The following SPTLC1 variants were observed in gnomAD, a reference collection of about 807,000 sequenced individuals.
The protein encoded by SPTLC1 is serine palmitoyltransferase 1.
A neutral mutation model predicts 68.9 loss-of-function variants in SPTLC1; 55 were observed. The ratio of observed to expected loss-of-function variants is 0.80; its 90% CI spans 0.64 to 1.00. The LOEUF (loss-of-function observed/expected upper bound fraction) is 1.00. SPTLC1 is among the 50% of genes least tolerant of loss of function. The pLI is 0.00. For synonymous variants in SPTLC1, 197 were observed against 201.6 expected, an observed-to-expected ratio of 0.98 and a Z score of 0.19; for missense variants, 449 against 573.1, an observed-to-expected ratio of 0.78 and a Z score of 2.21.
chr9:92,047,487 A>G (rs1296695153), intron 10 of SPTLC1, 126 bp downstream of exon 10: 1 of 768,458 alleles, frequency 1.3e-6, no homozygotes, highest in African/African-American at 1.8e-5. Context: ...GATTCTTTAA[A>G]AATTGACATT....
At chr9:92,057,363 G>A (rs1833931211) in intron 7 of SPTLC1, among the ~76,000 whole-genome samples, 1 of 152,160 alleles carries the variant, frequency 6.6e-6, no homozygotes, top group African/African-American at 2.4e-5. Context: ...CACAGGAATG[G>A]GTCAAAGGGC....
intron 14 of SPTLC1, among the ~76,000 whole-genome samples, chr9:92,033,996 T>C (rs7021155): frequency 0.052 from 7,895 of 152,268 alleles, 266 homozygotes; most frequent in Middle Eastern, 0.065. Flanking sequence ...AGGACCCTTC[T>C]CTCCAGCTCT....
chr9:92,068,107 G>C lies in SPTLC1; in HGVS notation c.428-9C>G. 4 of 1,611,394 alleles carry C rather than the reference G, an allele frequency of 2.5e-6. No homozygotes were observed. The highest frequency in any genetic ancestry group is 3.4e-6 in the Non-Finnish European group (4 of 1,178,886). ...CAAATCCAAATGAACATCTATTTCA[G>C]TTAAAAAAGTTAAATGGTTAAACTG... On this transcript the variant is annotated splice_polypyrimidine_tract_variant and intron_variant, in intron 5 of 14. Transcript: ENST00000262554.
intron 3 of SPTLC1, among the ~76,000 whole-genome samples, chr9:92,107,548 C>G (rs781663749): frequency 6.6e-6 from 1 of 152,180 alleles, no homozygotes; most frequent in Non-Finnish European, 1.5e-5. Context: ...GTCAGGAAAT[C>G]GAGACCATCC....
intron 5 of SPTLC1, among the ~76,000 whole-genome samples, chr9:92,074,038 C>T (rs1471124832): frequency 6.6e-6 from 1 of 152,010 alleles, no homozygotes; most frequent in African/African-American, 2.4e-5. Context: ...AGTACAAACC[C>T]GAAATGACCG....
At chr9:92,107,621 A>C (rs541696870) in intron 3 of SPTLC1, among the ~76,000 whole-genome samples, 2 of 152,298 alleles carry the variant, frequency 1.3e-5, no homozygotes, top group South Asian at 4.1e-4. Flanking sequence ...GCATGGCAGC[A>C]TGCGCCTGTA....
intron 3 of SPTLC1, among the ~76,000 whole-genome samples, chr9:92,106,058 G>C (rs1197316822): frequency 6.7e-6 from 1 of 148,962 alleles, no homozygotes; most frequent in Non-Finnish European, 1.5e-5. Context: ...CCGTTTGTAA[G>C]GGAGGAGCGC....
chr9:92,099,221 C>G (rs975662736), intron 3 of SPTLC1, among the ~76,000 whole-genome samples: 1 of 152,156 alleles, frequency 6.6e-6, no homozygotes, highest in Non-Finnish European at 1.5e-5. Context: ...ACCCAGGGAT[C>G]GGCACCACAG....
At chr9:92,043,696 T>C (rs1173678380) in intron 12 of SPTLC1, among the ~76,000 whole-genome samples, 2 of 152,200 alleles carry the variant, frequency 1.3e-5, no homozygotes, top group Non-Finnish European at 2.9e-5. Context: ...CCCAACATGG[T>C]CAGAGTCACT....
chr9:92,049,809 C>G (rs1204442671), intron 9 of SPTLC1, 151 bp downstream of exon 9: 1 of 694,214 alleles, frequency 1.4e-6, no homozygotes. Flanking sequence ...TAGACTCATC[C>G]TGGGCTCACT....
chr9:92,051,476 C>A (rs971579146), intron 8 of SPTLC1, among the ~76,000 whole-genome samples: 2 of 152,184 alleles, frequency 1.3e-5, no homozygotes, highest in Non-Finnish European at 2.9e-5. Flanking sequence ...ACTTCCTCAA[C>A]CTGATAAAAG....
intron 6 of SPTLC1, among the ~76,000 whole-genome samples, chr9:92,064,679 T>A (rs193298127): frequency 1.3e-5 from 2 of 152,340 alleles, no homozygotes; most frequent in East Asian, 1.9e-4. Context: ...GCTTTTTTTT[T>A]ATAACAGCAC....
At chr9:92,063,258 G>GTAAGCACC (rs1834166064) in intron 6 of SPTLC1, among the ~76,000 whole-genome samples, 2 of 152,102 alleles carry the variant, frequency 1.3e-5, no homozygotes, top group Admixed American at 1.3e-4. Flanking sequence ...ATGTACATCT[G>GTAAGCACC]ACAACTTTTA....
intron 6 of SPTLC1, among the ~76,000 whole-genome samples, chr9:92,067,273 G>A (rs1048161230): frequency 6.6e-6 from 1 of 151,126 alleles, no homozygotes; most frequent in African/African-American, 2.4e-5. Flanking sequence ...CACTCCAGCC[G>A]TGGTGACAAA....
At chr9:92,051,504 A>G (rs75919402) in intron 8 of SPTLC1, among the ~76,000 whole-genome samples, 7,883 of 152,306 alleles carry the variant, frequency 0.052, 266 homozygotes, top group Middle Eastern at 0.065. Context: ...TAAAAAACTC[A>G]CAGCTACCAT....
chr9:92,088,777 T>C (rs1835251162), intron 3 of SPTLC1, among the ~76,000 whole-genome samples: 1 of 152,122 alleles, frequency 6.6e-6, no homozygotes, highest in African/African-American at 2.4e-5. Flanking sequence ...AGGAACAAAG[T>C]TTCCGGTGAG....
At chr9:92,032,842 C>T (rs1344960446) in intron 14 of SPTLC1, among the ~76,000 whole-genome samples, 1 of 150,406 alleles carries the variant, frequency 6.6e-6, no homozygotes, top group Non-Finnish European at 1.5e-5. Flanking sequence ...CGCCATTGCA[C>T]TCCAGCCTGG....
intron 8 of SPTLC1, among the ~76,000 whole-genome samples, chr9:92,052,414 C>T (rs140291360): frequency 4.8e-4 from 73 of 152,096 alleles, no homozygotes; most frequent in Middle Eastern, 3.4e-3. Context: ...TCAACGCATA[C>T]GCAAAAATGA....
intron 3 of SPTLC1, among the ~76,000 whole-genome samples, chr9:92,095,072 A>G (rs576025949): frequency 3.0e-4 from 46 of 152,320 alleles, no homozygotes; most frequent in African/African-American, 1.1e-3. Flanking sequence ...ATTAAAATCT[A>G]CAAGGTATAC....
Sources: gnomAD v4.1 joint callset for allele counts (sites outside exome capture counted in the v4.1 genomes callset) on GRCh38, gnomAD v4.1.1 for gene constraint, MANE v1.5 for transcripts, NCBI Gene and HGNC (gene_info 2026-07-23, HGNC 2026-07-21) for gene names.